The following TBC1D19 variants were observed in gnomAD, a reference collection of about 807,000 sequenced individuals.
The protein encoded by TBC1D19 is TBC1 domain family, member 19.
A neutral mutation model predicts 89.0 loss-of-function variants in TBC1D19; 60 were observed. The observed-to-expected ratio is 0.67, with a 90% CI of 0.55 to 0.84. TBC1D19 has a LOEUF of 0.84. Among genes scored for constraint, TBC1D19 ranks in the 40% least tolerant of loss-of-function variants. The pLI, the probability that TBC1D19 is intolerant of heterozygous loss-of-function variation, is 0.00. For synonymous variants in TBC1D19, 189 were observed against 199.7 expected (o/e 0.95, Z 0.45); for missense variants, 500 against 610.8 (o/e 0.82, Z 1.91).
At chr4:26,725,435 A>G (rs1221244628) in intron 15 of TBC1D19, among the ~76,000 whole-genome samples, 4 of 151,902 alleles carry the variant, frequency 2.6e-5, no homozygotes, top group African/African-American at 9.7e-5. Flanking sequence ...CCCCCAAGAC[A>G]AAGTCTTGCT....
intron 15 of TBC1D19, among the ~76,000 whole-genome samples, chr4:26,731,714 C>T (rs1423841204): frequency 6.6e-6 from 1 of 152,102 alleles, no homozygotes; most frequent in African/African-American, 2.4e-5. Context: ...AAAAACTGAG[C>T]AGCAAAAGTT....
At chr4:26,851,357 C>CTATCTATCTATCTGTCTATCTATT in the TBC1D19 span, among the ~76,000 whole-genome samples, 164 of 151,256 alleles carry the variant, frequency 1.1e-3, 1 homozygote, top group African/African-American at 3.8e-3. Context: ...ATCTATCTAT[C>CTATCTATCTATCTGTCTATCTATT]TATCATCTAT....
intron 1 of TBC1D19, among the ~76,000 whole-genome samples, chr4:26,585,607 G>A (rs529226185): frequency 6.6e-6 from 1 of 150,414 alleles, no homozygotes; most frequent in Non-Finnish European, 1.5e-5. Context: ...TTTTTGAGAC[G>A]GAGTCTTCCT....
At chr4:26,664,553 A>G (rs544132171) in intron 8 of TBC1D19, among the ~76,000 whole-genome samples, 1 of 152,330 alleles carries the variant, frequency 6.6e-6, no homozygotes, top group South Asian at 2.1e-4. Context: ...TAAATGGAAA[A>G]CAATGGTTGA....
At chr4:26,761,053 G>A (rs935445694), downstream of TBC1D19, among the ~76,000 whole-genome samples, 1 of 152,070 alleles carries the variant, frequency 6.6e-6, no homozygotes, top group Non-Finnish European at 1.5e-5. Flanking sequence ...CCTCTATTCT[G>A]TTCATGAATT....
the TBC1D19 span, among the ~76,000 whole-genome samples, chr4:26,817,175 C>T: frequency 6.6e-6 from 1 of 152,198 alleles, no homozygotes; most frequent in Non-Finnish European, 1.5e-5. Flanking sequence ...TGCACATACA[C>T]TCTTGTAGAA....
intron 13 of TBC1D19, among the ~76,000 whole-genome samples, chr4:26,694,171 C>T (rs1714550302): frequency 6.6e-6 from 1 of 152,120 alleles, no homozygotes. Context: ...TGACAGACGG[C>T]ACCTGGAAAA....
At chr4:26,769,279 G>A in the TBC1D19 span, among the ~76,000 whole-genome samples, 12 of 151,872 alleles carry the variant, frequency 7.9e-5, no homozygotes, top group African/African-American at 1.2e-4. Context: ...GACATGCCTC[G>A]AAAGAAATGG....
At chr4:26,816,675 G>A in the TBC1D19 span, among the ~76,000 whole-genome samples, 1 of 152,130 alleles carries the variant, frequency 6.6e-6, no homozygotes, top group Non-Finnish European at 1.5e-5. Flanking sequence ...AACAAACCCA[G>A]GATGAGGGGC....
rs188546033 is a variant in TBC1D19 at position 26,712,763 on chromosome 4, A to G, written c.955-5170A>G. 7.6e-4 allele frequency among the ~76,000 whole-genome samples: 116 copies of G among 152,146 alleles called. 1 individual carries two copies. Among genetic ancestry groups the G allele is most frequent in the African/African-American group, 2.5e-3 (104 of 41,546 alleles). ...ACAAAATGGAAGGGTAAGCAGGTAT[A>G]TACAAAGAGACCAAACATGAGAAGG... On this transcript the variant is annotated intron_variant, in intron 13 of 20. Transcript: ENST00000264866.
intron 15 of TBC1D19, 109 bp from the exon 16 acceptor site, chr4:26,735,346 T>C: frequency 1.2e-6 from 1 of 849,906 alleles, no homozygotes. Context: ...ATGAACAGAG[T>C]TGAAGCAAAA....
At chr4:26,758,834 T>C (rs1440144807), downstream of TBC1D19, among the ~76,000 whole-genome samples, 1 of 152,194 alleles carries the variant, frequency 6.6e-6, no homozygotes, top group East Asian at 1.9e-4. Flanking sequence ...ATAAGGGGTA[T>C]CATTATTTGG....
At chr4:26,754,509 T>A (rs1490524184) in intron 20 of TBC1D19, among the ~76,000 whole-genome samples, 1 of 152,224 alleles carries the variant, frequency 6.6e-6, no homozygotes. Flanking sequence ...ATTAGTTCCA[T>A]CTCAAAATGA....
At chr4:26,833,999 G>A in the TBC1D19 span, among the ~76,000 whole-genome samples, 1 of 152,306 alleles carries the variant, frequency 6.6e-6, no homozygotes, top group Non-Finnish European at 1.5e-5. Context: ...GAGGCAACTG[G>A]ATCATGGGGG....
intron 18 of TBC1D19, among the ~76,000 whole-genome samples, chr4:26,743,249 T>G (rs1334030596): frequency 6.6e-6 from 1 of 152,112 alleles, no homozygotes; most frequent in Non-Finnish European, 1.5e-5. Context: ...GTGCAGCTAT[T>G]TTCTCCTGTT....
chr4:26,745,432 A>G (rs1718597001), intron 18 of TBC1D19, among the ~76,000 whole-genome samples: 5 of 141,192 alleles, frequency 3.5e-5, no homozygotes, highest in Admixed American at 3.5e-4. Context: ...TTTTATCTCC[A>G]CTATTAGATT....
intron 11 of TBC1D19, among the ~76,000 whole-genome samples, chr4:26,678,710 G>A (rs1713066337): frequency 6.6e-6 from 1 of 152,122 alleles, no homozygotes; most frequent in African/African-American, 2.4e-5. Flanking sequence ...TTACATTGTG[G>A]TAGTGAAATT....
intron 11 of TBC1D19, among the ~76,000 whole-genome samples, chr4:26,677,184 A>G (rs772503511): frequency 6.6e-5 from 10 of 152,106 alleles, no homozygotes; most frequent in Non-Finnish European, 1.5e-4. Flanking sequence ...ATACTACTCA[A>G]TAATTCCTTC....
chr4:26,645,815 A>G (rs934456730), intron 7 of TBC1D19, among the ~76,000 whole-genome samples: 3 of 152,172 alleles, frequency 2.0e-5, no homozygotes, highest in Non-Finnish European at 4.4e-5. Flanking sequence ...ACAAGAAAAA[A>G]ACAACCCCAT....
Sources: allele counts gnomAD v4.1 joint callset (sites outside exome capture counted in the v4.1 genomes callset), GRCh38; gene constraint gnomAD v4.1.1; transcripts MANE v1.5; gene names NCBI Gene and HGNC (gene_info 2026-07-23, HGNC 2026-07-21).